Variants in SLC14A2 observed in about 807,000 individuals in gnomAD.
The protein encoded by SLC14A2 is urea transporter 2.
In SLC14A2, 91 loss-of-function variants were observed where a neutral mutation model predicts 104.6. That is an observed-to-expected ratio of 0.87 (90% CI 0.73 to 1.04). The LOEUF (loss-of-function observed/expected upper bound fraction) is 1.04, where lower values mean the gene tolerates loss of function less well. Ranked by LOEUF, SLC14A2 falls within the 50% of genes least tolerant of loss-of-function variation. SLC14A2 has a pLI of 0.00. For synonymous variants in SLC14A2, 476 were observed against 466.4 expected (o/e 1.02, Z -0.27); for missense variants, 1,189 against 1,156.0 (o/e 1.03, Z -0.41).
chr18:45,531,869 C>T (rs967835058), intron 2 of SLC14A2, among the ~76,000 whole-genome samples: 10 of 151,948 alleles, frequency 6.6e-5, no homozygotes, highest in African/African-American at 2.4e-4. Context: ...TCTTGAATTA[C>T]TTTTTGTATA....
chr18:45,424,178 A>T (rs1018385318), intron 1 of SLC14A2: 1 of 152,254 alleles, frequency 6.6e-6, no homozygotes, highest in Admixed American at 6.5e-5. Context: ...TGGGGTTGGG[A>T]AGTACACTGT....
At chr18:45,322,370 A>G (rs2085193751) in intron 1 of SLC14A2, among the ~76,000 whole-genome samples, 3 of 152,230 alleles carry the variant, frequency 2.0e-5, no homozygotes, top group African/African-American at 7.2e-5. Context: ...AAGGAATAAT[A>G]GTGAACACTA....
intron 2 of SLC14A2, among the ~76,000 whole-genome samples, chr18:45,539,207 C>T (rs1279094972): frequency 6.3e-5 from 1 of 15,866 alleles, no homozygotes; most frequent in African/African-American, 2.3e-4. Flanking sequence ...TCAGACAGAG[C>T]ATGAGGTTGC....
intron 2 of SLC14A2, among the ~76,000 whole-genome samples, chr18:45,556,685 A>C (rs1351340874): frequency 6.6e-6 from 1 of 152,252 alleles, no homozygotes; most frequent in Non-Finnish European, 1.5e-5. Context: ...GCTGCTTAAA[A>C]TTCTGTATTT....
chr18:45,325,866 C>T (rs1279559340), intron 1 of SLC14A2, among the ~76,000 whole-genome samples: 1 of 152,176 alleles, frequency 6.6e-6, no homozygotes, highest in Non-Finnish European at 1.5e-5. Flanking sequence ...CTTCCTGCAC[C>T]CTCCAAAATA....
At chr18:45,574,151 T>C (rs2044387155) in intron 2 of SLC14A2, among the ~76,000 whole-genome samples, 1 of 152,158 alleles carries the variant, frequency 6.6e-6, no homozygotes, top group African/African-American at 2.4e-5. Flanking sequence ...CATGAGTCAA[T>C]TGACAGGAAG....
intron 1 of SLC14A2, among the ~76,000 whole-genome samples, chr18:45,278,629 A>T (rs187734854): frequency 1.3e-5 from 2 of 152,294 alleles, no homozygotes; most frequent in Admixed American, 1.3e-4. Context: ...GACTGGTTCC[A>T]GGACCCCTAA....
At chr18:45,578,197 TC>T (rs1396014994) in intron 2 of SLC14A2, among the ~76,000 whole-genome samples, 1 of 152,226 alleles carries the variant, frequency 6.6e-6, no homozygotes, top group Non-Finnish European at 1.5e-5. Flanking sequence ...TTCTGACATC[TC>T]CCAAACAACC....
intron 2 of SLC14A2, among the ~76,000 whole-genome samples, chr18:45,537,392 A>C (rs1295398806): frequency 6.6e-6 from 1 of 152,140 alleles, no homozygotes; most frequent in Non-Finnish European, 1.5e-5. Flanking sequence ...GACTTTTGAC[A>C]AAGACGTGAA....
At chr18:45,313,165 A>G (rs774805762) in intron 1 of SLC14A2, among the ~76,000 whole-genome samples, 9 of 152,176 alleles carry the variant, frequency 5.9e-5, no homozygotes, top group Non-Finnish European at 1.3e-4. Flanking sequence ...TCCATACTGA[A>G]CAGACTAATT....
intron 1 of SLC14A2, among the ~76,000 whole-genome samples, chr18:45,242,854 A>G (rs2084331501): frequency 6.6e-6 from 1 of 152,210 alleles, no homozygotes; most frequent in East Asian, 1.9e-4. Flanking sequence ...AGTGCAGGGA[A>G]GCATGGGGTG....
At chr18:45,258,144 C>CCTAGAGGAGAATTTGAAGGTGGAAG (rs1380292868) in intron 1 of SLC14A2, among the ~76,000 whole-genome samples, 2 of 145,032 alleles carry the variant, frequency 1.4e-5, no homozygotes, top group African/African-American at 2.7e-5. Flanking sequence ...AGGCATAAAT[C>CCTAGAGGAGAATTTGAAGGTGGAAG]ACTTTTCCAA....
At chr18:45,211,474 G>T (rs376142), upstream of SLC14A2, among the ~76,000 whole-genome samples, 7 of 152,196 alleles carry the variant, frequency 4.6e-5, no homozygotes, top group East Asian at 5.8e-4. Context: ...TTAACTTTTA[G>T]GGAGAAGAAA....
At chr18:45,390,459 C>T (rs1362816709) in intron 1 of SLC14A2, among the ~76,000 whole-genome samples, 1 of 152,266 alleles carries the variant, frequency 6.6e-6, no homozygotes, top group East Asian at 1.9e-4. Context: ...CTGCCCCACG[C>T]CCTAGTAGGT....
chr18:45,649,296 T>C (rs1243061076), intron 10 of SLC14A2, among the ~76,000 whole-genome samples: 4 of 152,228 alleles, frequency 2.6e-5, no homozygotes. Context: ...CCTGAGGAAC[T>C]AAGGCCTTTG....
At chr18:45,469,331 G>A (rs117792222) in intron 1 of SLC14A2, among the ~76,000 whole-genome samples, 1,585 of 152,282 alleles carry the variant, frequency 0.01, 18 homozygotes, top group African/African-American at 0.025. Context: ...TGGAGACCCT[G>A]GAACAAAGGA....
At chr18:45,548,915 A>T (rs2044013337) in intron 2 of SLC14A2, among the ~76,000 whole-genome samples, 1 of 152,164 alleles carries the variant, frequency 6.6e-6, no homozygotes, top group Non-Finnish European at 1.5e-5. Flanking sequence ...ACAGGACTGG[A>T]TGGCATGTTG....
intron 2 of SLC14A2, among the ~76,000 whole-genome samples, chr18:45,500,692 C>T (rs896022295): frequency 2.0e-4 from 31 of 152,170 alleles, no homozygotes; most frequent in Admixed American, 1.9e-3. Flanking sequence ...AACTGTTGCA[C>T]ATTCCTTGTT....
chr18:45,205,362 CA>C, the SLC14A2 span, among the ~76,000 whole-genome samples: 2 of 152,196 alleles, frequency 1.3e-5, no homozygotes, highest in Non-Finnish European at 2.9e-5. Flanking sequence ...GTTATTTTAT[CA>C]GTTACCTGAC....
Sources: gnomAD v4.1 joint callset for allele counts (sites outside exome capture counted in the v4.1 genomes callset) on GRCh38, gnomAD v4.1.1 for gene constraint, MANE v1.5 for transcripts, NCBI Gene and HGNC (gene_info 2026-07-23, HGNC 2026-07-21) for gene names.